SENP7: variants seen among roughly 807,000 people sequenced by gnomAD.
The protein encoded by SENP7 is SUMO specific peptidase 7, also known as sentrin-specific protease 7.
SENP7 carries 64 observed loss-of-function variants against 141.2 expected under a neutral mutation model. The observed-to-expected ratio is 0.45, with a 90% CI of 0.37 to 0.56. The LOEUF (loss-of-function observed/expected upper bound fraction) is 0.56. Ranked by LOEUF, SENP7 falls within the 20% of genes least tolerant of loss-of-function variation. The probability of loss-of-function intolerance (pLI) is 0.00; values close to 1 mark genes in which losing one functional copy is unlikely to be tolerated. For synonymous variants in SENP7, 382 were observed against 426.4 expected, an observed-to-expected ratio of 0.90 and a Z score of 1.28; for missense variants, 1,025 against 1,212.2, an observed-to-expected ratio of 0.85 and a Z score of 2.29.
chr3:101,512,729 T>G (rs1249753941), intron 1 of SENP7, among the ~76,000 whole-genome samples: 1 of 151,976 alleles, frequency 6.6e-6, no homozygotes, highest in African/African-American at 2.4e-5. Context: ...GGTCAGGCGC[T>G]GAGAAGCCGA....
At chr3:101,495,190 C>T (rs370874220) in intron 2 of SENP7, among the ~76,000 whole-genome samples, 122 of 152,216 alleles carry the variant, frequency 8.0e-4, no homozygotes, top group Non-Finnish European at 1.4e-3. Context: ...CAAATCAAAA[C>T]GACAACGAGA....
chr3:101,377,043 G>C (rs1484559674), intron 6 of SENP7, among the ~76,000 whole-genome samples: 1 of 152,092 alleles, frequency 6.6e-6, no homozygotes, highest in Non-Finnish European at 1.5e-5. Context: ...GAGAATGGAA[G>C]TAAAGAAATT....
intron 11 of SENP7, chr3:101,357,483 C>T (rs2059776089): frequency 1.5e-6 from 2 of 1,373,370 alleles, no homozygotes; most frequent in Non-Finnish European, 2.0e-6. Context: ...GTTATATGTT[C>T]TCATTTTGCC....
chr3:101,383,929 G>C (rs1311721058), intron 6 of SENP7, among the ~76,000 whole-genome samples: 1 of 152,222 alleles, frequency 6.6e-6, no homozygotes, highest in Non-Finnish European at 1.5e-5. Context: ...CCGTGGACCA[G>C]AGTGACAACT....
In SENP7 at chr3:101,491,604, A is replaced by G. The variant is rs146600669; in HGVS notation, c.186+2269T>C. Among the ~76,000 whole-genome samples, 92 of 152,252 alleles carry G rather than the reference A, an allele frequency of 6.0e-4. No individual in the cohort carries two copies. In the East Asian group the frequency reaches 0.017, roughly 29 times the overall value. On this transcript the variant is annotated intron_variant, in intron 3 of 23. Coordinates refer to ENST00000394095, the MANE Select transcript of SENP7 (RefSeq NM_020654.5). ...GCCCAAATTTTCTAACCTTATGCAA[A>G]TATATTATTTTCTTTTTAAGTAAAC...
chr3:101,433,799 T>C (rs1305207914), intron 4 of SENP7, among the ~76,000 whole-genome samples: 4 of 152,080 alleles, frequency 2.6e-5, no homozygotes, highest in South Asian at 2.1e-4. Flanking sequence ...AAGTGAGAGA[T>C]AGACCTCAAT....
chr3:101,481,239 T>C (rs2064464639), intron 3 of SENP7, among the ~76,000 whole-genome samples: 1 of 152,156 alleles, frequency 6.6e-6, no homozygotes, highest in Admixed American at 6.5e-5. Flanking sequence ...CCAACCAAAC[T>C]GCCCATCAAT....
chr3:101,401,486 G>A (rs900202326), intron 5 of SENP7, among the ~76,000 whole-genome samples: 1 of 149,280 alleles, frequency 6.7e-6, no homozygotes, highest in African/African-American at 2.5e-5. Flanking sequence ...CCAAGATACT[G>A]CCACTGCATT....
intron 3 of SENP7, among the ~76,000 whole-genome samples, chr3:101,489,527 T>C (rs1212932255): frequency 6.7e-5 from 8 of 118,734 alleles, no homozygotes; most frequent in East Asian, 2.7e-4. Flanking sequence ...TCAGATAAAA[T>C]AGACTTTAAA....
At chr3:101,433,697 G>A (rs1001369401) in intron 4 of SENP7, among the ~76,000 whole-genome samples, 1 of 152,022 alleles carries the variant, frequency 6.6e-6, no homozygotes, top group Non-Finnish European at 1.5e-5. Context: ...ATGATAAAGA[G>A]GTCAATTCAG....
At chr3:101,364,089 T>C (rs1222052824) in intron 10 of SENP7, among the ~76,000 whole-genome samples, 1 of 152,052 alleles carries the variant, frequency 6.6e-6, no homozygotes, top group Non-Finnish European at 1.5e-5. Flanking sequence ...TTAGCCAGGC[T>C]TGCTGGCATG....
At chr3:101,453,887 A>C (rs2063252154) in intron 4 of SENP7, among the ~76,000 whole-genome samples, 1 of 152,264 alleles carries the variant, frequency 6.6e-6, no homozygotes, top group East Asian at 1.9e-4. Context: ...AAAAAAAAAA[A>C]ACAAATGACC....
intron 11 of SENP7, among the ~76,000 whole-genome samples, chr3:101,354,706 T>C (rs1464361): frequency 0.89 from 136,018 of 152,148 alleles, 61,002 homozygotes; most frequent in East Asian, 1. Flanking sequence ...AATTCACATG[T>C]ATATGTCTTT....
chr3:101,489,134 C>T (rs2064853761), intron 3 of SENP7, among the ~76,000 whole-genome samples: 1 of 152,048 alleles, frequency 6.6e-6, no homozygotes, highest in African/African-American at 2.4e-5. Context: ...TTCAACTACA[C>T]CAGCCTTACA....
chr3:101,399,080 G>A (rs1289348016), intron 5 of SENP7, 25 bp from the exon 6 acceptor site: 1 of 1,493,700 alleles, frequency 6.7e-7, no homozygotes, highest in East Asian at 2.3e-5. Context: ...AACAAACACT[G>A]TACTGTACTG....
intron 1 of SENP7, among the ~76,000 whole-genome samples, chr3:101,508,250 T>C (rs1267806283): frequency 6.6e-6 from 1 of 152,056 alleles, no homozygotes; most frequent in Non-Finnish European, 1.5e-5. Flanking sequence ...CTCATCTTCA[T>C]TTAATGGTAC....
chr3:101,477,167 C>T (rs2064253215), intron 3 of SENP7, among the ~76,000 whole-genome samples: 3 of 152,080 alleles, frequency 2.0e-5, no homozygotes, highest in Admixed American at 6.6e-5. Flanking sequence ...GTCATGAAGT[C>T]TTTGCCCATG....
rs528979975 is a variant in SENP7 at position 101,493,966 on chromosome 3, T to C, written c.93A>G (p.Ile31Met). The change falls in exon 3 of 24, where the codon ATA becomes ATG. Residue 31 changes from isoleucine (I) to methionine (M), a missense_variant and splice_region_variant. Ile to Met is a conservative substitution (Grantham distance 10). This residue lies in a region of SENP7 where 496 missense variants were observed against 503.5 expected (regional missense o/e 0.99). Coordinates refer to ENST00000394095, the MANE Select transcript of SENP7 (RefSeq NM_020654.5). ...CTGGTTTTGCATTTAACATCTTTCT[T>C]ATCTGAAAATAGGATGAGAAAATAA... is the stretch of plus-strand genomic sequence containing the variant. The part of the protein sequence containing the change: ...RKKSSSDLSE[I>M]RKMLNAKPED... The C allele has an allele frequency of 2.5e-6, 4 of 1,581,934 alleles. No individual in the cohort carries two copies. Among genetic ancestry groups the C allele is most frequent in the South Asian group, 1.1e-5 (1 of 90,036 alleles).
At chr3:101,435,279 CAT>C (rs1412814271) in intron 4 of SENP7, among the ~76,000 whole-genome samples, 2 of 151,808 alleles carry the variant, frequency 1.3e-5, no homozygotes, top group Non-Finnish European at 2.9e-5. Flanking sequence ...TAATAAAAGC[CAT>C]ATATGACAGA....
Sources: allele counts gnomAD v4.1 joint callset (sites outside exome capture counted in the v4.1 genomes callset), GRCh38; gene constraint gnomAD v4.1.1; regional missense constraint gnomAD v4.1.1; transcripts MANE v1.5; gene names NCBI Gene and HGNC (gene_info 2026-07-23, HGNC 2026-07-21).